The following WDR91 variants were observed in gnomAD, a reference collection of about 807,000 sequenced individuals.
The protein encoded by WDR91 is WD repeat domain 91.
Under a neutral mutation model 88.4 loss-of-function variants are expected in WDR91, and 52 were observed. That is an observed-to-expected ratio of 0.59 (90% confidence interval 0.47 to 0.74). WDR91 has a LOEUF of 0.74. Ranked by LOEUF, WDR91 falls within the 30% of genes least tolerant of loss-of-function variation. WDR91 has a pLI of 0.00. For synonymous variants in WDR91, 362 were observed against 389.5 expected (o/e 0.93, Z 0.83); for missense variants, 824 against 954.5 (o/e 0.86, Z 1.80).
At position 135,196,446 on chromosome 7, in the gene WDR91, T is replaced by C. The variant is rs1038284555; in HGVS notation, c.1051-109A>G. ...CTGCAGCATTTTGCGGGGTTCTCGG[T>C]AATTACAGAGTGGAGAGGAGAGCTC... On this transcript the variant is annotated intron_variant, in intron 7 of 14. Coordinates refer to ENST00000354475, the MANE Select transcript of WDR91 (RefSeq NM_014149.4). This position sits in a 1 kb window ranked among gnomAD's most constrained non-coding sequence, Gnocchi z 4.2. 26 of 1,102,106 alleles carry C rather than the reference T, an allele frequency of 2.4e-5. No individual in the cohort carries two copies. The African/African-American group carries it at 3.9e-4, about 16-fold the overall frequency. The allele number at this position is 1,102,106 out of a possible 1,614,324, so 68.3% of individuals were successfully genotyped here.
intron 6 of WDR91, among the ~76,000 whole-genome samples, chr7:135,203,782 C>T (rs916771972): frequency 6.6e-6 from 1 of 152,218 alleles, no homozygotes; most frequent in African/African-American, 2.4e-5. Flanking sequence ...AAGCCTACTT[C>T]CTGTCATCAG....
At chr7:135,210,850 T>C in intron 1 of WDR91, 1 of 703,708 alleles carries the variant, frequency 1.4e-6, no homozygotes, top group South Asian at 1.5e-5. Context: ...TGGAAAATCA[T>C]TTTAGAGCAG....
chr7:135,192,526 C>A lies in WDR91; in HGVS notation c.1659+705G>T, dbSNP rs142385316. On this transcript the variant is annotated intron_variant, in intron 11 of 14. Coordinates refer to ENST00000354475, the MANE Select transcript of WDR91 (RefSeq NM_014149.4). ...GTCAAGAATTCGAGTGTGACCCTGA[C>A]GGGCCTGAGAGGTCTGACAGACCCA... Among the ~76,000 whole-genome samples, 550 of 152,220 alleles carry A rather than the reference C, an allele frequency of 3.6e-3. 2 individuals carry two copies. Among genetic ancestry groups the A allele is most frequent in the African/African-American group, 0.012 (514 of 41,490 alleles).
chr7:135,207,271 C>T (rs1562958113), intron 3 of WDR91, 69 bp from the exon 4 acceptor site: 3 of 1,295,360 alleles, frequency 2.3e-6, no homozygotes, highest in East Asian at 5.1e-5. Context: ...CTTGACACAC[C>T]AGTAAAACAC....
At position 135,208,780 on chromosome 7, in the gene WDR91, T is replaced by C; in HGVS notation, c.511+11A>G. ...GGCTGGGCCTTCAGCCCCAGGCAAC[T>C]GAAAGGATATGCATGCACTGAAACA... On this transcript the variant is annotated intron_variant, in intron 3 of 14. Coordinates refer to ENST00000354475, the MANE Select transcript of WDR91 (RefSeq NM_014149.4). The C allele has an allele frequency of 1.9e-6, 3 of 1,572,514 alleles. No homozygotes were observed. The highest frequency in any genetic ancestry group is 2.6e-6 in the Non-Finnish European group (3 of 1,154,410).
Position 135,186,205 on chromosome 7 carries a change from G to A in WDR91, c.2190C>T (p.Thr730=), listed in dbSNP as rs145873188. 10 of 1,607,522 alleles carry A rather than the reference G, an allele frequency of 6.2e-6. No homozygotes were observed. Among genetic ancestry groups the A allele is most frequent in the Middle Eastern group, 1.7e-4 (1 of 6,056 alleles). Residue 730 remains threonine, a synonymous_variant, in exon 15 of 15, where the codon ACC becomes ACT. Transcript: ENST00000354475. ...GCTTGATCTTGCCATCCATGGAGGC[G>A]GTGAGGCAGGTCCCACAGTCCATGG... is the stretch of plus-strand genomic sequence containing the variant. ...STAMDCGTCL[T]ASMDGKIKLT... is the part of the protein sequence containing the mutation.
intron 6 of WDR91, among the ~76,000 whole-genome samples, chr7:135,202,562 TC>T (rs1831612167): frequency 6.6e-6 from 1 of 152,202 alleles, no homozygotes; most frequent in African/African-American, 2.4e-5. Context: ...ATTTCCAATC[TC>T]ATTTCAACCT....
At chr7:135,201,928 C>G (rs1208491149) in intron 6 of WDR91, 1 of 152,102 alleles carries the variant, frequency 6.6e-6, no homozygotes, top group East Asian at 1.9e-4. Flanking sequence ...AGAATGTCCC[C>G]CAAAGCAGGG....
In WDR91 at chr7:135,186,243, C is replaced by G; in HGVS notation, c.2152G>C (p.Asp718His). Residue 718 changes from aspartate to histidine, a missense_variant, in exon 15 of 15, where the codon GAC (aspartate) becomes CAC (histidine). Coordinates refer to ENST00000354475, the MANE Select transcript of WDR91 (RefSeq NM_014149.4). ...CCACAGTCCATGGCAGTGCTCCAGT[C>G]CACGGTGACCACAGGGGCTCGGTGG... Reference protein sequence around the residue: ...GGHRAPVVTVDWSTAMDCGTC... With the variant: ...GGHRAPVVTVHWSTAMDCGTC... 1 of 1,611,348 alleles carries G rather than the reference C, an allele frequency of 6.2e-7. No homozygotes were observed. The highest frequency in any genetic ancestry group is 8.5e-7 in the Non-Finnish European group (1 of 1,178,934).
chr7:135,186,467 T>C lies in WDR91; in HGVS notation c.2080-152A>G, dbSNP rs546513638. The C allele has an allele frequency of 4.0e-4, 346 of 858,854 alleles. 1 individual carries two copies. In the African/African-American group the frequency reaches 5.7e-3, roughly 14 times the overall value. The allele number at this position is 858,854 out of a possible 1,614,324, so 53.2% of individuals were successfully genotyped here. A position where few individuals can be genotyped will look rare whatever the true frequency, so the allele number is the denominator to read the frequency against. On this transcript the variant is annotated intron_variant, in intron 14 of 14. Coordinates refer to ENST00000354475, the MANE Select transcript of WDR91 (RefSeq NM_014149.4). ...CTGTTTAACTTTTTGAACCAGGAAA[T>C]GCTTGCACTTTCCCAACTACAGCTG...
intron 1 of WDR91, chr7:135,210,751 TG>T: frequency 1.4e-6 from 1 of 703,262 alleles, no homozygotes; most frequent in Non-Finnish European, 2.6e-6. Context: ...TCCCCTCCAG[TG>T]CTCTTGCTGT....
chr7:135,205,072 C>T (rs1046408204), intron 5 of WDR91, among the ~76,000 whole-genome samples: 1 of 152,220 alleles, frequency 6.6e-6, no homozygotes, highest in Non-Finnish European at 1.5e-5. Context: ...TCACCAATCA[C>T]TGTCTTCCTC....
At chr7:135,189,047 T>C (rs1340151450) in intron 12 of WDR91, among the ~76,000 whole-genome samples, 1 of 152,238 alleles carries the variant, frequency 6.6e-6, no homozygotes, top group Admixed American at 6.5e-5. Flanking sequence ...AGGACAGCAG[T>C]ACTCTTGTAT....
At chr7:135,207,072 A>G (rs1831819778) in intron 4 of WDR91, 48 bp downstream of exon 4, 1 of 1,534,592 alleles carries the variant, frequency 6.5e-7, no homozygotes, top group Admixed American at 1.7e-5. Flanking sequence ...AATTTCACAC[A>G]CAAAAAGCAG....
In WDR91 at chr7:135,185,975, G is replaced by A. The variant is rs934365918; in HGVS notation, c.*176C>T. On this transcript the variant is annotated 3_prime_UTR_variant, in exon 15 of 15. Coordinates refer to ENST00000354475, the MANE Select transcript of WDR91 (RefSeq NM_014149.4). Reference sequence around the variant, plus strand: ...GGGAAGCATATGTCACCTACTCCACGTGGGTCCCATTCCAGTCACCACAGA... The same window carrying A: ...GGGAAGCATATGTCACCTACTCCACATGGGTCCCATTCCAGTCACCACAGA... The A allele has an allele frequency of 7.8e-6, 5 of 638,540 alleles. No homozygotes were observed. The highest frequency in any genetic ancestry group is 3.9e-5 in the African/African-American group (2 of 51,808). The allele number at this position is 638,540 out of a possible 1,614,324, so 39.6% of individuals were successfully genotyped here. A position where few individuals can be genotyped will look rare whatever the true frequency, so the allele number is the denominator to read the frequency against.
intron 11 of WDR91, 70 bp downstream of exon 11, chr7:135,193,161 C>T: frequency 6.4e-7 from 1 of 1,551,216 alleles, no homozygotes. Flanking sequence ...AGGGAAGAGG[C>T]TCTTCAGAAA....
Position 135,196,126 on chromosome 7 carries a change from G to A in WDR91, c.1244+18C>T. 2.7e-6 allele frequency: 4 copies of A among 1,476,476 alleles called. No individual in the cohort carries two copies. Among genetic ancestry groups the A allele is most frequent in the Non-Finnish European group, 3.6e-6 (4 of 1,107,730 alleles). The allele number at this position is 1,476,476 out of a possible 1,614,324, so 91.5% of individuals were successfully genotyped here. A position where few individuals can be genotyped will look rare whatever the true frequency, so the allele number is the denominator to read the frequency against. On this transcript the variant is annotated intron_variant, in intron 8 of 14. Coordinates refer to ENST00000354475, the MANE Select transcript of WDR91 (RefSeq NM_014149.4). This position sits in a 1 kb window ranked among gnomAD's most constrained non-coding sequence, Gnocchi z 4.2. ...ATCTGAGCTTCCCAGGGTTTCCTTG[G>A]CCCCAGGCCCAACCCACCTGCAGTG...
Position 135,193,302 on chromosome 7 carries a change from T to C in WDR91, c.1588A>G (p.Ile530Val), listed in dbSNP as rs776150522. The change falls in exon 11 of 15, where the codon ATC (isoleucine) becomes GTC (valine). Residue 530 changes from isoleucine (I) to valine (V), a missense_variant. Transcript: ENST00000354475. ...ACCTGGTTCATGCCCTTGCTGCCGA[T>C]GTCTGGTGCTGAGAAGTCCACCTGG... is the stretch of plus-strand genomic sequence containing the variant. ...TSQVDFSAPD[I>V]GSKGMNQVPG... is the part of the protein sequence containing the mutation. 7 of 1,614,224 alleles carry C rather than the reference T, an allele frequency of 4.3e-6. No individual in the cohort carries two copies. In the Admixed American group the frequency reaches 8.3e-5, roughly 19 times the overall value.
intron 13 of WDR91, 140 bp downstream of exon 13, chr7:135,188,293 T>A: frequency 1.6e-6 from 1 of 638,070 alleles, no homozygotes; most frequent in Non-Finnish European, 2.8e-6. Context: ...GACGAATTAC[T>A]AGTTTATCCC....
Sources: gnomAD v4.1 joint callset for allele counts (sites outside exome capture counted in the v4.1 genomes callset) on GRCh38, gnomAD v4.1.1 for gene constraint, Gnocchi (gnomAD v3.1) non-coding constraint, MANE v1.5 for transcripts, NCBI Gene and HGNC (gene_info 2026-07-23, HGNC 2026-07-21) for gene names.